FIGLA: variants seen among roughly 807,000 people sequenced by gnomAD.
The protein encoded by FIGLA is folliculogenesis specific bHLH transcription factor.
FIGLA carries 17 observed loss-of-function variants against 21.5 expected under a neutral mutation model. The ratio of observed to expected loss-of-function variants is 0.79; its 90% CI spans 0.54 to 1.19. FIGLA has a LOEUF of 1.19. FIGLA is among the 50% of genes most tolerant of loss of function. The pLI, the probability that FIGLA is intolerant of heterozygous loss-of-function variation, is 0.00. For missense variants in FIGLA, 282 were observed against 285.0 expected (o/e 0.99, Z 0.08); for synonymous variants, 129 against 117.6 (o/e 1.10, Z -0.63).
At chr2:70,789,979 C>T (rs75260626) in intron 1 of FIGLA, among the ~76,000 whole-genome samples, 2,061 of 152,280 alleles carry the variant, frequency 0.014, 35 homozygotes, top group African/African-American at 0.047. Context: ...GCTTCGAGGC[C>T]GAGATGCAGA....
Position 70,783,056 on chromosome 2 carries a change from CAAAA to C in FIGLA, c.609+2355_609+2358del, listed in dbSNP as rs60009932. ...CTGGCAACAGAGCGAGACTCTGTCT[CAAAA>C]AAAAAAAAAAAAAAATGATTTGAAT... On this transcript the variant is annotated intron_variant, in intron 3 of 4. Coordinates refer to ENST00000332372, the MANE Select transcript of FIGLA (RefSeq NM_001004311.3). Among the ~76,000 whole-genome samples, 661 of 124,298 alleles carry C rather than the reference CAAAA, an allele frequency of 5.3e-3. 2 individuals are homozygous for C. The highest frequency in any genetic ancestry group is 0.024 in the Middle Eastern group (6 of 246). 81.5% of individuals were successfully genotyped at this position (124,298 alleles called of 152,430 possible). A position where few individuals can be genotyped will look rare whatever the true frequency, so the allele number is the denominator to read the frequency against.
chr2:70,789,848 T>A (rs1435122704), intron 1 of FIGLA, among the ~76,000 whole-genome samples: 1 of 152,072 alleles, frequency 6.6e-6, no homozygotes, highest in Non-Finnish European at 1.5e-5. Flanking sequence ...TGGGAAACAC[T>A]CACTTTATCT....
At chr2:70,778,609 CATTT>C (rs1192204302) in intron 3 of FIGLA, among the ~76,000 whole-genome samples, 1 of 151,936 alleles carries the variant, frequency 6.6e-6, no homozygotes, top group Non-Finnish European at 1.5e-5. Context: ...CATTTTAGAA[CATTT>C]ATTTTAGTTT....
chr2:70,790,455 A>G lies in FIGLA; in HGVS notation c.184T>C (p.Leu62=), dbSNP rs1398452981. The G allele has an allele frequency of 1.0e-5, 16 of 1,545,170 alleles. No individual in the cohort carries two copies. The highest frequency in any genetic ancestry group is 1.4e-5 in the African/African-American group (1 of 72,734). ...GCCACACGCCGCCGCTCCAGCACCAACTGGAGGTTTTCAGTGGACGAGTAG... is the reference window on the plus strand; with the variant it reads ...GCCACACGCCGCCGCTCCAGCACCAGCTGGAGGTTTTCAGTGGACGAGTAG... ...GGYSSTENLQ[L]VLERRRVANA... The change falls in exon 1 of 5, where the codon TTG becomes CTG. Residue 62 remains leucine (L), a synonymous_variant. Coordinates refer to ENST00000332372, the MANE Select transcript of FIGLA (RefSeq NM_001004311.3).
Position 70,790,517 on chromosome 2 carries a change from G to C in FIGLA, c.122C>G (p.Ala41Gly). The change falls in exon 1 of 5, where the codon GCC (alanine) becomes GGC (glycine). Residue 41 changes from alanine to glycine, a missense_variant. Transcript: ENST00000332372. ...REQFGPLPQL[A>G]AVCRLKRLPS... ...CAGCCGCTTGAGCCGGCAGACAGCG[G>C]CCAGCTGGGGCAGCGGCCCGAACTG... The C allele has an allele frequency of 1.3e-6, 2 of 1,540,540 alleles. No homozygotes were observed. The highest frequency in any genetic ancestry group is 1.7e-6 in the Non-Finnish European group (2 of 1,146,330).
chr2:70,781,909 A>AT (rs1675862796), intron 3 of FIGLA, among the ~76,000 whole-genome samples: 1 of 152,242 alleles, frequency 6.6e-6, no homozygotes, highest in African/African-American at 2.4e-5. Context: ...GTGATAAAAC[A>AT]ACATACAACT....
Position 70,781,738 on chromosome 2 carries a change from T to G in FIGLA, c.609+3677A>C, listed in dbSNP as rs13401605. 2.2e-3 allele frequency among the ~76,000 whole-genome samples: 340 copies of G among 152,174 alleles called. 2 individuals are homozygous for G. Among genetic ancestry groups the G allele is most frequent in the African/African-American group, 7.8e-3 (322 of 41,488 alleles). On this transcript the variant is annotated intron_variant, in intron 3 of 4. Coordinates refer to ENST00000332372, the MANE Select transcript of FIGLA (RefSeq NM_001004311.3). ...TTTTTATAGCATTCTCAAGATAAAT[T>G]ATAGAGGTGGAGAACAGATTAGTGA...
intron 3 of FIGLA, among the ~76,000 whole-genome samples, chr2:70,781,377 G>A (rs1281330161): frequency 6.6e-6 from 1 of 152,152 alleles, no homozygotes; most frequent in Non-Finnish European, 1.5e-5. Context: ...TAATCGTGAT[G>A]ACATATCAAA....
chr2:70,782,314 C>A (rs1463887594), intron 3 of FIGLA, among the ~76,000 whole-genome samples: 1 of 152,124 alleles, frequency 6.6e-6, no homozygotes, highest in South Asian at 2.1e-4. Flanking sequence ...TTATTCCTGC[C>A]GACGATGCAT....
intron 3 of FIGLA, among the ~76,000 whole-genome samples, chr2:70,784,633 C>T (rs959981636): frequency 2.6e-5 from 4 of 152,192 alleles, no homozygotes; most frequent in African/African-American, 9.7e-5. Context: ...CTCCCTCCAA[C>T]CACCATCTGT....
At chr2:70,783,361 T>A (rs1011145208) in intron 3 of FIGLA, among the ~76,000 whole-genome samples, 3 of 152,270 alleles carry the variant, frequency 2.0e-5, no homozygotes, top group Non-Finnish European at 2.9e-5. Flanking sequence ...TGGCTTTTAC[T>A]AGGAAACGTT....
At chr2:70,781,147 C>T (rs976483509) in intron 3 of FIGLA, among the ~76,000 whole-genome samples, 1 of 152,110 alleles carries the variant, frequency 6.6e-6, no homozygotes, top group South Asian at 2.1e-4. Flanking sequence ...CGGCGTGGAA[C>T]GTCAGAGCCA....
intron 3 of FIGLA, among the ~76,000 whole-genome samples, chr2:70,784,754 A>G (rs1172369644): frequency 6.6e-6 from 1 of 152,178 alleles, no homozygotes; most frequent in Admixed American, 6.5e-5. Context: ...ATTGTGTTGC[A>G]GAGTAGGATA....
intron 4 of FIGLA, 33 bp downstream of exon 4, chr2:70,777,604 T>C: frequency 1.3e-6 from 2 of 1,597,808 alleles, no homozygotes; most frequent in South Asian, 1.1e-5. Context: ...TGTTATAAAT[T>C]GGCACTATGC....
At chr2:70,786,395 C>T (rs1553390043) in intron 2 of FIGLA, among the ~76,000 whole-genome samples, 1 of 152,010 alleles carries the variant, frequency 6.6e-6, no homozygotes, top group East Asian at 1.9e-4. Flanking sequence ...GCTCCGCCTC[C>T]CAGGTTCACG....
chr2:70,780,295 C>A (rs183158860), intron 3 of FIGLA, among the ~76,000 whole-genome samples: 2 of 152,154 alleles, frequency 1.3e-5, no homozygotes, highest in African/African-American at 4.8e-5. Context: ...GGGTCCTCAT[C>A]AAGGGTAGGG....
At position 70,790,441 on chromosome 2, in the gene FIGLA, C is replaced by A; in HGVS notation, c.198G>T (p.Arg66=). ...STENLQLVLE[R]RRVANAKERE... is the part of the protein sequence containing the mutation. ...GCTCCTTGGCGTTGGCCACACGCCG[C>A]CGCTCCAGCACCAACTGGAGGTTTT... Residue 66 remains arginine (R), a synonymous_variant, in exon 1 of 5, where the codon CGG becomes CGT. Transcript: ENST00000332372. The A allele has an allele frequency of 6.5e-7, 1 of 1,544,264 alleles. No individual in the cohort carries two copies.
chr2:70,785,405 A>T lies in FIGLA; in HGVS notation c.609+10T>A. 2.5e-6 allele frequency: 4 copies of T among 1,601,600 alleles called. No individual in the cohort carries two copies. Among genetic ancestry groups the T allele is most frequent in the Non-Finnish European group, 3.4e-6 (4 of 1,169,432 alleles). On this transcript the variant is annotated intron_variant, in intron 3 of 4. Transcript: ENST00000332372. ...ATATCTGTATGGGTATTTAAGAAGGAATATTTTACCAGACTTCTGGTTGGG... is the reference window on the plus strand; with the variant it reads ...ATATCTGTATGGGTATTTAAGAAGGTATATTTTACCAGACTTCTGGTTGGG...
chr2:70,790,311 C>T, intron 1 of FIGLA, 97 bp downstream of exon 1: 2 of 1,309,032 alleles, frequency 1.5e-6, no homozygotes, highest in Non-Finnish European at 1.0e-6. Flanking sequence ...TCGCCTCGAG[C>T]GGGGGTGGGC....
Sources: allele counts gnomAD v4.1 joint callset (sites outside exome capture counted in the v4.1 genomes callset), GRCh38; gene constraint gnomAD v4.1.1; transcripts MANE v1.5; gene names NCBI Gene and HGNC (gene_info 2026-07-23, HGNC 2026-07-21).